EVI5: variants seen among roughly 807,000 people sequenced by gnomAD.
EVI5 encodes the protein ecotropic viral integration site 5.
EVI5 carries 73 observed loss-of-function variants against 112.0 expected under a neutral mutation model. That is an observed-to-expected ratio of 0.65 (90% CI 0.54 to 0.79). The LOEUF (loss-of-function observed/expected upper bound fraction) is 0.79. Among genes scored for constraint, EVI5 ranks in the 30% least tolerant of loss-of-function variants. EVI5 has a pLI of 0.00. For missense variants in EVI5, 900 were observed against 968.8 expected (o/e 0.93, Z 0.94); for synonymous variants, 305 against 319.9 (o/e 0.95, Z 0.50).
intron 13 of EVI5, among the ~76,000 whole-genome samples, chr1:92,637,595 T>C (rs10874727): frequency 0.58 from 87,742 of 151,998 alleles, 27,031 homozygotes; most frequent in East Asian, 0.92. Flanking sequence ...AATTCATCAT[T>C]ATAAAATACT....
At chr1:92,711,414 T>C (rs986655955) in intron 2 of EVI5, among the ~76,000 whole-genome samples, 8 of 152,038 alleles carry the variant, frequency 5.3e-5, no homozygotes, top group African/African-American at 1.9e-4. Context: ...AACATGCCAG[T>C]TGGTAATTTA....
intron 1 of EVI5, among the ~76,000 whole-genome samples, chr1:92,772,636 C>T (rs1361572480): frequency 1.3e-5 from 2 of 152,112 alleles, no homozygotes; most frequent in Admixed American, 1.3e-4. Context: ...GGTGCAGTAG[C>T]TCATGCCTGT....
intron 13 of EVI5, among the ~76,000 whole-genome samples, chr1:92,645,288 CT>C (rs1660727365): frequency 6.6e-6 from 1 of 152,064 alleles, no homozygotes; most frequent in Non-Finnish European, 1.5e-5. Flanking sequence ...TAAAGTCCAC[CT>C]TGTCTATGAT....
intron 2 of EVI5, among the ~76,000 whole-genome samples, chr1:92,714,534 C>T (rs1673322151): frequency 6.6e-6 from 1 of 152,150 alleles, no homozygotes; most frequent in South Asian, 2.1e-4. Flanking sequence ...GTTGGTGGGG[C>T]GATAGGACAG....
At chr1:92,534,076 A>G (rs1264023691) in intron 19 of EVI5, among the ~76,000 whole-genome samples, 2 of 152,286 alleles carry the variant, frequency 1.3e-5, no homozygotes, top group South Asian at 2.1e-4. Context: ...AACAACTTCA[A>G]TGAAGTCTGA....
intron 6 of EVI5, among the ~76,000 whole-genome samples, chr1:92,696,853 A>G (rs1425614366): frequency 2.0e-5 from 3 of 152,136 alleles, no homozygotes; most frequent in Non-Finnish European, 4.4e-5. Context: ...CCTGGCTAAC[A>G]TGGTGAAACC....
intron 18 of EVI5, among the ~76,000 whole-genome samples, chr1:92,600,705 G>T (rs1648973979): frequency 1.3e-5 from 2 of 152,168 alleles, no homozygotes; most frequent in Admixed American, 6.5e-5. Context: ...TCGTGCTCCT[G>T]TGACAATCTA....
At chr1:92,605,770 G>T (rs1188849502) in intron 17 of EVI5, among the ~76,000 whole-genome samples, 4 of 151,832 alleles carry the variant, frequency 2.6e-5, no homozygotes, top group Non-Finnish European at 4.4e-5. Context: ...TAAGTTGAGA[G>T]GGAAAATAAC....
At chr1:92,785,875 T>A (rs1367053989), upstream of EVI5, among the ~76,000 whole-genome samples, 1 of 150,952 alleles carries the variant, frequency 6.6e-6, no homozygotes. Flanking sequence ...AGGTCAGGAG[T>A]TGGAGACCAA....
chr1:92,694,398 C>T lies in EVI5; in HGVS notation c.910-10G>A. 1 of 1,505,490 alleles carries T rather than the reference C, an allele frequency of 6.6e-7. No individual in the cohort carries two copies. The highest frequency in any genetic ancestry group is 9.1e-7 in the Non-Finnish European group (1 of 1,098,644). 93.3% of individuals were successfully genotyped at this position (1,505,490 alleles called of 1,614,324 possible). On this transcript the variant is annotated splice_polypyrimidine_tract_variant and intron_variant, in intron 7 of 19. Coordinates refer to ENST00000684568, the MANE Select transcript of EVI5 (RefSeq NM_001350197.2). ...ACACTATTTCTAAACCCTGAGGAAA[C>T]AAATTAAATAAATCCAAATTTATGT...
intron 11 of EVI5, among the ~76,000 whole-genome samples, chr1:92,664,320 A>C (rs1482883977): frequency 6.6e-6 from 1 of 152,218 alleles, no homozygotes; most frequent in Non-Finnish European, 1.5e-5. Context: ...TAGAATTCTA[A>C]GTGCTAAGTG....
intron 19 of EVI5, among the ~76,000 whole-genome samples, chr1:92,533,019 A>T (rs1357225457): frequency 6.6e-6 from 1 of 151,344 alleles, no homozygotes; most frequent in Non-Finnish European, 1.5e-5. Flanking sequence ...TTTTTGGAAA[A>T]GATCAACAAA....
chr1:92,551,888 C>G (rs571019397), intron 19 of EVI5, among the ~76,000 whole-genome samples: 1 of 152,172 alleles, frequency 6.6e-6, no homozygotes, highest in Non-Finnish European at 1.5e-5. Flanking sequence ...CACTTGACTT[C>G]CAGTTTCCCT....
rs187572981 is a variant in EVI5, at chr1:92,595,459, A to G, written c.2070+9848T>C. Among the ~76,000 whole-genome samples the G allele has an allele frequency of 7.2e-4, 110 of 152,304 alleles. 1 individual carries two copies. The highest frequency in any genetic ancestry group is 2.1e-3 in the African/African-American group (88 of 41,566). On this transcript the variant is annotated intron_variant, in intron 18 of 19. Transcript: ENST00000684568. ...AGGGATAGCATTAGGAGATATACCT[A>G]ATGTTAAATGACGAGTTAATGGGTG... is the stretch of plus-strand genomic sequence containing the variant.
At chr1:92,698,394 G>C (rs1670638459) in intron 5 of EVI5, among the ~76,000 whole-genome samples, 1 of 152,166 alleles carries the variant, frequency 6.6e-6, no homozygotes, top group Middle Eastern at 3.2e-3. Context: ...GATGGTGATG[G>C]ATGCTACAGA....
At chr1:92,526,470 T>C (rs1209335791) in intron 19 of EVI5, among the ~76,000 whole-genome samples, 1 of 152,234 alleles carries the variant, frequency 6.6e-6, no homozygotes, top group Non-Finnish European at 1.5e-5. Flanking sequence ...ATGGTAGGTC[T>C]GAAGAGCTGT....
At chr1:92,553,459 C>T (rs754226876) in intron 19 of EVI5, among the ~76,000 whole-genome samples, 7 of 151,916 alleles carry the variant, frequency 4.6e-5, no homozygotes, top group Non-Finnish European at 8.8e-5. Context: ...TGCACCACCA[C>T]GCCCGGCTAA....
intron 2 of EVI5, among the ~76,000 whole-genome samples, chr1:92,722,318 TTTA>T (rs909766477): frequency 1.5e-4 from 23 of 152,184 alleles, no homozygotes; most frequent in African/African-American, 5.1e-4. Flanking sequence ...TTTTTTAAAT[TTTA>T]TTATTATTAG....
intron 19 of EVI5, among the ~76,000 whole-genome samples, chr1:92,520,022 G>T (rs202131872): frequency 6.6e-6 from 1 of 152,020 alleles, no homozygotes; most frequent in Non-Finnish European, 1.5e-5. Context: ...GTAGATTAGT[G>T]GCTGCCTAGG....
Sources: allele counts gnomAD v4.1 joint callset (sites outside exome capture counted in the v4.1 genomes callset), GRCh38; gene constraint gnomAD v4.1.1; transcripts MANE v1.5; gene names NCBI Gene and HGNC (gene_info 2026-07-23, HGNC 2026-07-21).